THTPA: variants seen among roughly 807,000 people sequenced by gnomAD.
The protein encoded by THTPA is thiamine-triphosphatase.
A neutral mutation model predicts 16.5 loss-of-function variants in THTPA; 16 were observed. The observed-to-expected ratio is 0.97, with a 90% CI of 0.66 to 1.47. THTPA has a LOEUF of 1.47. Among genes scored for constraint, THTPA ranks in the 40% most tolerant of loss-of-function variants. The pLI, the probability that THTPA is intolerant of heterozygous loss-of-function variation, is 0.00. For synonymous variants in THTPA, 110 were observed against 115.5 expected, an observed-to-expected ratio of 0.95 and a Z score of 0.30; for missense variants, 281 against 280.9, an observed-to-expected ratio of 1.00 and a Z score of 0.00.
chr14:23,530,049 C>T, the THTPA span: 2 of 1,383,614 alleles, frequency 1.4e-6, no homozygotes, highest in Non-Finnish European at 2.0e-6. Flanking sequence ...TGCTGGGCTC[C>T]TGGATTACTG....
At chr14:23,532,866 C>T in the THTPA span, 14 of 1,536,196 alleles carry the variant, frequency 9.1e-6, no homozygotes, top group South Asian at 1.7e-4. Context: ...GTGTCACCAG[C>T]CACCTCCTTC....
At chr14:23,522,294 C>T in the THTPA span, 2 of 1,508,404 alleles carry the variant, frequency 1.3e-6, no homozygotes, top group Admixed American at 2.0e-5. Context: ...GCCGGGGCCT[C>T]CCCGTCAAAT....
the THTPA span, among the ~76,000 whole-genome samples, chr14:23,538,777 C>T: frequency 6.6e-6 from 1 of 151,920 alleles, no homozygotes; most frequent in African/African-American, 2.4e-5. Context: ...TGGGGACGGT[C>T]AGGGAAGACC....
chr14:23,513,432 C>CAT, the THTPA span: 1 of 152,574 alleles, frequency 6.6e-6, no homozygotes, highest in Non-Finnish European at 1.5e-5. Flanking sequence ...TGTACATGTA[C>CAT]GCATAAGCGT....
Position 23,559,691 on chromosome 14 carries a change from T to C in THTPA, c.*851T>C. ...TAGCCCTCAGGTGTAGGTTCGAAGC[T>C]GCTGGGGCCCCCTGGGGTTTGGGAC... On this transcript the variant is annotated 3_prime_UTR_variant, in exon 2 of 2. Coordinates refer to ENST00000288014, the MANE Select transcript of THTPA (RefSeq NM_024328.6). The C allele has an allele frequency of 1.3e-6, 2 of 1,559,230 alleles. No individual in the cohort carries two copies. The highest frequency in any genetic ancestry group is 1.8e-6 in the Non-Finnish European group (2 of 1,136,712).
the THTPA span, chr14:23,532,261 T>A: frequency 2.2e-5 from 6 of 276,548 alleles, no homozygotes. Flanking sequence ...GCAAATGGAG[T>A]CTGGTTCCAT....
At chr14:23,526,402 G>C in the THTPA span, 1 of 1,536,296 alleles carries the variant, frequency 6.5e-7, no homozygotes, top group East Asian at 2.4e-5. Context: ...ACTTGTCCAG[G>C]GCAAAGTTGG....
the THTPA span, chr14:23,530,084 G>A: frequency 4.0e-6 from 6 of 1,508,526 alleles, no homozygotes; most frequent in Non-Finnish European, 5.3e-6. Flanking sequence ...CGTCTCAGAA[G>A]GTAGGAGGAC....
the THTPA span, chr14:23,524,085 C>T: frequency 6.5e-7 from 1 of 1,527,952 alleles, no homozygotes; most frequent in Non-Finnish European, 8.8e-7. This position sits in a 1 kb window ranked among gnomAD's most constrained non-coding sequence, Gnocchi z 5.6. Context: ...CTCCCAGTGC[C>T]ATCATCTACC....
chr14:23,514,165 G>A, the THTPA span: 2 of 152,484 alleles, frequency 1.3e-5, no homozygotes, highest in Non-Finnish European at 2.9e-5. Flanking sequence ...TATTGTGCCA[G>A]GAGTGAGAAG....
At chr14:23,519,022 C>T in the THTPA span, among the ~76,000 whole-genome samples, 156 of 152,276 alleles carry the variant, frequency 1.0e-3, no homozygotes, top group African/African-American at 3.6e-3. Flanking sequence ...AGAGTCAGCC[C>T]GGCTCTTTTG....
the THTPA span, chr14:23,535,316 G>A: frequency 3.4e-6 from 5 of 1,459,600 alleles, no homozygotes; most frequent in East Asian, 5.0e-5. The surrounding 1 kb of genome is among the most constrained non-coding windows in gnomAD (Gnocchi z 4.5). Context: ...GCTGAGTTAA[G>A]GGTGGCCATG....
Position 23,556,571 on chromosome 14 carries a change from C to T in THTPA, c.-187C>T. On this transcript the variant is annotated 5_prime_UTR_variant, in exon 1 of 2. The change creates a new upstream start codon in the 5' untranslated region. Transcript: ENST00000288014. ...TGTCAGAGCCTTAAAATATCACCGA[C>T]GGGGCCTTAATGTCACCGAGGTAGA... 2 of 624,686 alleles carry T rather than the reference C, an allele frequency of 3.2e-6. No homozygotes were observed. The highest frequency in any genetic ancestry group is 2.1e-5 in the South Asian group (1 of 47,232). 38.7% of individuals were successfully genotyped at this position (624,686 alleles called of 1,614,324 possible).
upstream of THTPA, among the ~76,000 whole-genome samples, chr14:23,554,038 CAAAAAAAAAAAAAAA>C (rs61363455): frequency 2.8e-5 from 1 of 36,040 alleles, no homozygotes; most frequent in Non-Finnish European, 6.0e-5. Context: ...GACTCTGTCT[CAAAAAAAAAAAAAAA>C]AAAAAAAAAA....
chr14:23,536,481 T>C, the THTPA span, among the ~76,000 whole-genome samples: 6 of 152,184 alleles, frequency 3.9e-5, no homozygotes, highest in Admixed American at 2.6e-4. Flanking sequence ...CTCTGGTCAG[T>C]TGAAAGATAA....
the THTPA span, among the ~76,000 whole-genome samples, chr14:23,539,879 A>G: frequency 2.0e-5 from 3 of 152,168 alleles, no homozygotes; most frequent in African/African-American, 7.2e-5. Flanking sequence ...CAAAAAACAA[A>G]ACTCCTTTTT....
chr14:23,518,558 C>G, the THTPA span, among the ~76,000 whole-genome samples: 2 of 152,160 alleles, frequency 1.3e-5, no homozygotes, highest in Non-Finnish European at 1.5e-5. This position sits in a 1 kb window ranked among gnomAD's most constrained non-coding sequence, Gnocchi z 4.5. Flanking sequence ...TTACACCATC[C>G]TCACACAGAC....
the THTPA span, among the ~76,000 whole-genome samples, chr14:23,515,058 A>G: frequency 2.0e-5 from 3 of 152,184 alleles, no homozygotes; most frequent in African/African-American, 7.2e-5. Flanking sequence ...CTAGTGGACC[A>G]TACATATCCT....
At chr14:23,522,363 T>C in the THTPA span, 1 of 1,536,104 alleles carries the variant, frequency 6.5e-7, no homozygotes, top group South Asian at 1.2e-5. Flanking sequence ...GAGATGCCAG[T>C]GCTGCCTGTC....
Sources: gnomAD v4.1 joint callset for allele counts (sites outside exome capture counted in the v4.1 genomes callset) on GRCh38, gnomAD v4.1.1 for gene constraint, Gnocchi (gnomAD v3.1) non-coding constraint, MANE v1.5 for transcripts, NCBI Gene and HGNC (gene_info 2026-07-23, HGNC 2026-07-21) for gene names.